ADAMTSL1: variants seen among roughly 807,000 people sequenced by gnomAD.
ADAMTSL1 encodes the protein ADAMTS-like protein 1.
ADAMTSL1 carries 126 observed loss-of-function variants against 201.8 expected under a neutral mutation model. That is an observed-to-expected ratio of 0.62 (90% CI 0.54 to 0.72). The LOEUF (loss-of-function observed/expected upper bound fraction) is 0.72, where lower values mean the gene tolerates loss of function less well. Among genes scored for constraint, ADAMTSL1 ranks in the 30% least tolerant of loss-of-function variants. The pLI is 0.00. For missense variants in ADAMTSL1, 2,679 were observed against 2,277.8 expected, an observed-to-expected ratio of 1.18 and a Z score of -3.59; for synonymous variants, 1,121 against 903.4, an observed-to-expected ratio of 1.24 and a Z score of -4.32.
At chr9:17,962,801 C>T (rs1445780487) in intron 1 of ADAMTSL1, among the ~76,000 whole-genome samples, 1 of 152,184 alleles carries the variant, frequency 6.6e-6, no homozygotes, top group East Asian at 1.9e-4. Flanking sequence ...ACTTCTTTTC[C>T]TTTGAGGACA....
chr9:18,531,759 C>G (rs943877262), intron 2 of ADAMTSL1, among the ~76,000 whole-genome samples: 1 of 152,152 alleles, frequency 6.6e-6, no homozygotes, highest in Non-Finnish European at 1.5e-5. Flanking sequence ...ACAGTAATTT[C>G]ATTGCCAAAC....
At chr9:18,531,543 C>T (rs1819445967) in intron 2 of ADAMTSL1, among the ~76,000 whole-genome samples, 1 of 152,124 alleles carries the variant, frequency 6.6e-6, no homozygotes. Flanking sequence ...AATAGTCAGT[C>T]TGATTACAGT....
At chr9:17,954,292 C>A (rs544386515) in intron 1 of ADAMTSL1, among the ~76,000 whole-genome samples, 31 of 152,308 alleles carry the variant, frequency 2.0e-4, no homozygotes, top group Non-Finnish European at 3.5e-4. Context: ...TGCTCTGAAG[C>A]ATTATTTCTG....
intron 1 of ADAMTSL1, among the ~76,000 whole-genome samples, chr9:18,055,206 A>C (rs1822124426): frequency 6.6e-6 from 1 of 152,218 alleles, no homozygotes; most frequent in Non-Finnish European, 1.5e-5. Flanking sequence ...TTTAGCACCT[A>C]TTCATAGTCA....
At chr9:18,056,274 G>T (rs1822180444) in intron 1 of ADAMTSL1, among the ~76,000 whole-genome samples, 1 of 152,012 alleles carries the variant, frequency 6.6e-6, no homozygotes, top group Non-Finnish European at 1.5e-5. Context: ...AAATGTTAAT[G>T]TGGAAGGAGA....
At chr9:18,633,185 T>C (rs1038774543) in intron 5 of ADAMTSL1, among the ~76,000 whole-genome samples, 1 of 152,240 alleles carries the variant, frequency 6.6e-6, no homozygotes, top group African/African-American at 2.4e-5. Context: ...TTATTTGAAC[T>C]GTGGGTAAAC....
At chr9:18,818,979 G>A (rs868422057) in intron 21 of ADAMTSL1, among the ~76,000 whole-genome samples, 6 of 152,216 alleles carry the variant, frequency 3.9e-5, no homozygotes, top group Middle Eastern at 3.4e-3. Context: ...ACAGGGGTTG[G>A]CATGAATGAG....
intron 1 of ADAMTSL1, among the ~76,000 whole-genome samples, chr9:18,503,919 G>A (rs538595455): frequency 9.3e-4 from 141 of 151,940 alleles, no homozygotes; most frequent in Admixed American, 2.2e-3. Flanking sequence ...ACTCTGCTCC[G>A]GCACTAGTTC....
intron 2 of ADAMTSL1, among the ~76,000 whole-genome samples, chr9:18,379,184 C>A (rs1209835987): frequency 6.6e-6 from 1 of 152,116 alleles, no homozygotes; most frequent in Non-Finnish European, 1.5e-5. Context: ...GCACTAGGCC[C>A]CAACAGACCA....
At chr9:18,359,497 C>T (rs1328904968) in intron 2 of ADAMTSL1, among the ~76,000 whole-genome samples, 3 of 152,176 alleles carry the variant, frequency 2.0e-5, no homozygotes, top group Non-Finnish European at 2.9e-5. Flanking sequence ...AAGATGGTTA[C>T]TAATGGTGGT....
intron 13 of ADAMTSL1, among the ~76,000 whole-genome samples, chr9:18,700,342 T>C (rs567702604): frequency 1.6e-4 from 25 of 152,248 alleles, no homozygotes; most frequent in Admixed American, 1.6e-3. Context: ...AGGCATTAAA[T>C]AACTAAAGAG....
Position 18,888,719 on chromosome 9 carries a change from A to G in ADAMTSL1, c.4462+676A>G, listed in dbSNP as rs527372319. Among the ~76,000 whole-genome samples, 7 of 152,272 alleles carry G rather than the reference A, an allele frequency of 4.6e-5. No homozygotes were observed. In the South Asian group the frequency reaches 1.5e-3, roughly 32 times the overall value. On this transcript the variant is annotated intron_variant, in intron 24 of 28. Transcript: ENST00000380548. ...CATAGGCTTGTTCGACCTGTGGCCTATGTGTGATGTATTCCAAAATGAAGG... is the reference window on the plus strand; with the variant it reads ...CATAGGCTTGTTCGACCTGTGGCCTGTGTGTGATGTATTCCAAAATGAAGG...
intron 26 of ADAMTSL1, among the ~76,000 whole-genome samples, chr9:18,901,838 C>T (rs1432019479): frequency 1.3e-5 from 2 of 151,990 alleles, no homozygotes; most frequent in Non-Finnish European, 2.9e-5. Context: ...GGAATCAAAC[C>T]CCCAAAGGCA....
At chr9:18,780,519 C>A (rs1367761967) in intron 19 of ADAMTSL1, among the ~76,000 whole-genome samples, 2 of 152,000 alleles carry the variant, frequency 1.3e-5, no homozygotes, top group Non-Finnish European at 2.9e-5. Context: ...TAATATCACA[C>A]TTGATTTTTT....
intron 1 of ADAMTSL1, among the ~76,000 whole-genome samples, chr9:18,108,196 A>ATC (rs767568691): frequency 8.0e-6 from 1 of 125,570 alleles, no homozygotes; most frequent in African/African-American, 3.0e-5. Context: ...AGAGTGTGGA[A>ATC]TTTTTTTTTT....
chr9:18,484,769 C>T (rs979974448), intron 1 of ADAMTSL1, among the ~76,000 whole-genome samples: 2 of 152,078 alleles, frequency 1.3e-5, no homozygotes, highest in Non-Finnish European at 2.9e-5. Context: ...TTAAGAAACT[C>T]GATCAGTGGG....
At chr9:18,862,562 G>A (rs1400015401) in intron 23 of ADAMTSL1, among the ~76,000 whole-genome samples, 2 of 152,180 alleles carry the variant, frequency 1.3e-5, no homozygotes, top group Non-Finnish European at 1.5e-5. Flanking sequence ...CAGACCAAAT[G>A]TGAAACATCA....
intron 1 of ADAMTSL1, among the ~76,000 whole-genome samples, chr9:18,000,108 G>T (rs2131527832): frequency 6.6e-6 from 1 of 150,724 alleles, no homozygotes; most frequent in African/African-American, 2.4e-5. Flanking sequence ...ATAGTCATAT[G>T]GGTATATACC....
At chr9:18,357,111 T>G (rs928721288) in intron 2 of ADAMTSL1, among the ~76,000 whole-genome samples, 3 of 152,140 alleles carry the variant, frequency 2.0e-5, no homozygotes, top group African/African-American at 7.2e-5. Context: ...TTTTTTCAAA[T>G]TTGCAAAAGT....
Sources: allele counts gnomAD v4.1 joint callset (sites outside exome capture counted in the v4.1 genomes callset), GRCh38; gene constraint gnomAD v4.1.1; transcripts MANE v1.5; gene names NCBI Gene and HGNC (gene_info 2026-07-23, HGNC 2026-07-21).